Variants in MMP26 observed in about 807,000 individuals in gnomAD.
MMP26 encodes matrix metallopeptidase 26.
A neutral mutation model predicts 31.0 loss-of-function variants in MMP26; 33 were observed. The observed-to-expected ratio is 1.06, with a 90% CI of 0.81 to 1.42. The LOEUF (loss-of-function observed/expected upper bound fraction) is 1.42, where lower values mean the gene tolerates loss of function less well. MMP26 is among the 40% of genes most tolerant of loss of function. The pLI, the probability that MMP26 is intolerant of heterozygous loss-of-function variation, is 0.00. For missense variants in MMP26, 347 were observed against 316.1 expected, an observed-to-expected ratio of 1.10 and a Z score of -0.74; for synonymous variants, 122 against 114.9, an observed-to-expected ratio of 1.06 and a Z score of -0.40.
chr11:4,756,577 A>T (rs894951613), intron 1 of MMP26: 4 of 152,126 alleles, frequency 2.6e-5, no homozygotes, highest in East Asian at 1.9e-4. Context: ...TTAAAATATT[A>T]AAAAAGTCCT....
intron 1 of MMP26, among the ~76,000 whole-genome samples, chr11:4,758,152 G>A (rs1230291620): frequency 6.6e-6 from 1 of 152,016 alleles, no homozygotes; most frequent in African/African-American, 2.4e-5. Context: ...ATATCCATAG[G>A]CTAAAAAGCT....
At chr11:4,911,368 A>G (rs1850989041) in intron 2 of MMP26, among the ~76,000 whole-genome samples, 1 of 152,168 alleles carries the variant, frequency 6.6e-6, no homozygotes, top group Non-Finnish European at 1.5e-5. Context: ...AATGTGCCAG[A>G]CATCCCCACT....
chr11:4,956,242 C>G (rs1469235904), intron 2 of MMP26, among the ~76,000 whole-genome samples: 3 of 152,112 alleles, frequency 2.0e-5, no homozygotes, highest in Non-Finnish European at 4.4e-5. Context: ...TATACAAACC[C>G]AAGGCATTGC....
chr11:4,826,809 A>G (rs1040595056), intron 2 of MMP26, among the ~76,000 whole-genome samples: 39 of 152,134 alleles, frequency 2.6e-4, no homozygotes, highest in Admixed American at 2.5e-3. Flanking sequence ...TCCAGATACC[A>G]TTATGGGTGA....
chr11:4,789,254 T>A (rs1848988564), intron 2 of MMP26, among the ~76,000 whole-genome samples: 1 of 152,180 alleles, frequency 6.6e-6, no homozygotes, highest in Admixed American at 6.5e-5. Flanking sequence ...GAATTTCAGA[T>A]TGATTGGTTT....
At chr11:4,836,247 A>T (rs1185910625) in intron 2 of MMP26, among the ~76,000 whole-genome samples, 1 of 152,046 alleles carries the variant, frequency 6.6e-6, no homozygotes, top group African/African-American at 2.4e-5. Context: ...TCATTCCTAA[A>T]AAGATCTGCA....
chr11:4,944,728 AT>A (rs1846268218), intron 2 of MMP26: 1 of 152,114 alleles, frequency 6.6e-6, no homozygotes, highest in South Asian at 2.1e-4. Flanking sequence ...AAGTTGGACA[AT>A]TTTTCAGCCA....
At position 4,948,234 on chromosome 11, in the gene MMP26, A is replaced by G. The variant is rs1297542086; in HGVS notation, c.-144-39834A>G. Among the ~76,000 whole-genome samples the G allele has an allele frequency of 3.2e-5, 4 of 125,496 alleles. 2 individuals carry two copies. The highest frequency in any genetic ancestry group is 5.4e-5 in the African/African-American group (2 of 36,998). 82.3% of individuals were successfully genotyped at this position (125,496 alleles called of 152,430 possible). On this transcript the variant is annotated intron_variant, in intron 2 of 7. Transcript: ENST00000380390. ...TCTGAGCTTCTTTGTCTTACACACAATAATGACCAATATTTCTTAGAAAAT... is the reference window on the plus strand; with the variant it reads ...TCTGAGCTTCTTTGTCTTACACACAGTAATGACCAATATTTCTTAGAAAAT...
At chr11:4,928,884 G>C (rs918097888) in intron 2 of MMP26, among the ~76,000 whole-genome samples, 2 of 152,128 alleles carry the variant, frequency 1.3e-5, no homozygotes, top group Admixed American at 1.3e-4. Flanking sequence ...GCTAAAAAGA[G>C]AGCAGGCAGG....
chr11:4,723,688 C>G lies in MMP26; in HGVS notation c.-217+18643C>G, dbSNP rs767357104. Reference sequence around the variant, plus strand: ...GTTCTCCATCAGCCCTTGCATGTTGCCAAGCTTCAGCTTCTCCTGGCCCAG... The same window carrying G: ...GTTCTCCATCAGCCCTTGCATGTTGGCAAGCTTCAGCTTCTCCTGGCCCAG... On this transcript the variant is annotated intron_variant, in intron 1 of 7. Coordinates refer to ENST00000380390, the MANE Select transcript of MMP26 (RefSeq NM_021801.5). 6.3e-4 allele frequency: 589 copies of G among 938,700 alleles called. 2 individuals are homozygous for G. Among genetic ancestry groups the G allele is most frequent in the Non-Finnish European group, 9.7e-4 (552 of 569,066 alleles). 58.1% of individuals were successfully genotyped at this position (938,700 alleles called of 1,614,324 possible).
At chr11:4,985,604 C>A (rs1846874064) in intron 2 of MMP26, among the ~76,000 whole-genome samples, 1 of 152,118 alleles carries the variant, frequency 6.6e-6, no homozygotes, top group Non-Finnish European at 1.5e-5. Context: ...TATTTATATG[C>A]TCATTTGACC....
chr11:4,968,492 G>A (rs77035632), intron 2 of MMP26, among the ~76,000 whole-genome samples: 2,609 of 150,366 alleles, frequency 0.017, 73 homozygotes, highest in African/African-American at 0.061. Flanking sequence ...TAAAAAAAAA[G>A]AGTTATTTTA....
At chr11:4,990,569 C>G (rs1320737098) in intron 4 of MMP26, 29 bp from the exon 5 acceptor site, 2 of 1,596,916 alleles carry the variant, frequency 1.3e-6, no homozygotes, top group Non-Finnish European at 1.7e-6. Flanking sequence ...TTCCTCTGAA[C>G]TATTTCATTT....
chr11:4,971,152 G>A (rs1846660859), intron 2 of MMP26, among the ~76,000 whole-genome samples: 2 of 152,114 alleles, frequency 1.3e-5, no homozygotes, highest in Admixed American at 1.3e-4. Context: ...CAAAAGTTGA[G>A]GAATAATCCC....
At chr11:4,990,290 A>T (rs1308652107) in intron 4 of MMP26, among the ~76,000 whole-genome samples, 2 of 152,120 alleles carry the variant, frequency 1.3e-5, no homozygotes, top group Non-Finnish European at 2.9e-5. Flanking sequence ...ATTTAATTTA[A>T]TTTAATTTTG....
In MMP26 at chr11:4,918,279, A is replaced by G. The variant is rs147549156; in HGVS notation, c.-144-69789A>G. Among the ~76,000 whole-genome samples, 341 of 152,224 alleles carry G rather than the reference A, an allele frequency of 2.2e-3. 2 individuals carry two copies. The highest frequency in any genetic ancestry group is 0.01 in the Middle Eastern group (3 of 292). On this transcript the variant is annotated intron_variant, in intron 2 of 7. Transcript: ENST00000380390. ...TTTTGGTTAACGAATCCCAGCAATT[A>G]TTTAAGTTAAGGCAGCCTGAAACGG... is the stretch of plus-strand genomic sequence containing the variant.
chr11:4,901,976 G>A (rs895836797), intron 2 of MMP26, among the ~76,000 whole-genome samples: 1 of 152,132 alleles, frequency 6.6e-6, no homozygotes, highest in Non-Finnish European at 1.5e-5. Context: ...TCGAATCCAG[G>A]TTAATCTTAA....
At chr11:4,988,337 A>G in intron 3 of MMP26, 27 bp downstream of exon 3, 2 of 1,566,318 alleles carry the variant, frequency 1.3e-6, no homozygotes, top group Non-Finnish European at 1.8e-6. Context: ...GGACCACATT[A>G]TTACATGGTG....
rs771550668 is a variant in MMP26, at chr11:4,769,259, T to A, written c.-145+1918T>A. 5.0e-6 allele frequency: 8 copies of A among 1,613,776 alleles called. No homozygotes were observed. The South Asian group carries it at 8.8e-5, about 18-fold the overall frequency. On this transcript the variant is annotated intron_variant, in intron 2 of 7. Transcript: ENST00000380390. ...GAGGACAGAGTGAATAATTAAGATA[T>A]ATGACAGGACAATGCATGGTGTATC...
Sources: gnomAD v4.1 joint callset for allele counts (sites outside exome capture counted in the v4.1 genomes callset) on GRCh38, gnomAD v4.1.1 for gene constraint, MANE v1.5 for transcripts, NCBI Gene and HGNC (gene_info 2026-07-23, HGNC 2026-07-21) for gene names.